The following BBOX1 variants were observed in gnomAD, a reference collection of about 807,000 sequenced individuals.
The protein encoded by BBOX1 is gamma-butyrobetaine hydroxylase 1, also known as gamma-butyrobetaine dioxygenase.
Under a neutral mutation model 41.6 loss-of-function variants are expected in BBOX1, and 35 were observed. That is an observed-to-expected ratio of 0.84 (90% CI 0.64 to 1.11). The LOEUF (loss-of-function observed/expected upper bound fraction) is 1.11. Ranked by LOEUF, BBOX1 falls within the 50% of genes most tolerant of loss-of-function variation. BBOX1 has a pLI of 0.00. For synonymous variants in BBOX1, 163 were observed against 154.7 expected (o/e 1.05, Z -0.40); for missense variants, 458 against 460.6 (o/e 0.99, Z 0.05).
chr11:27,075,502 G>T (rs1768694015), intron 4 of BBOX1, among the ~76,000 whole-genome samples: 1 of 152,112 alleles, frequency 6.6e-6, no homozygotes, highest in South Asian at 2.1e-4. Context: ...CTTGACAGAG[G>T]TGGCTGGGGG....
intron 3 of BBOX1, 113 bp from the exon 4 acceptor site, chr11:27,057,088 A>T (rs1308859807): frequency 2.4e-6 from 1 of 423,338 alleles, no homozygotes; most frequent in Non-Finnish European, 4.0e-6. Context: ...AAAAAAAATT[A>T]AGCAAAGCAT....
At chr11:27,055,358 T>A in intron 2 of BBOX1, 35 bp from the exon 3 acceptor site, 6 of 1,471,416 alleles carry the variant, frequency 4.1e-6, no homozygotes, top group Non-Finnish European at 5.6e-6. Flanking sequence ...AGATCTTATC[T>A]GCCTGAGATT....
intron 2 of BBOX1, among the ~76,000 whole-genome samples, chr11:27,045,241 G>C (rs944136671): frequency 1.3e-5 from 2 of 152,076 alleles, no homozygotes; most frequent in Admixed American, 6.6e-5. Context: ...TCTGTTATTG[G>C]TGTATAGGAA....
chr11:27,081,729 CTT>C (rs1008673379), intron 4 of BBOX1, among the ~76,000 whole-genome samples: 5 of 152,090 alleles, frequency 3.3e-5, no homozygotes, highest in Admixed American at 2.0e-4. Context: ...TGTTTCCTGA[CTT>C]TTTAATGATC....
At chr11:27,122,595 G>C (rs950950028) in intron 7 of BBOX1, among the ~76,000 whole-genome samples, 1 of 152,100 alleles carries the variant, frequency 6.6e-6, no homozygotes, top group Non-Finnish European at 1.5e-5. Context: ...AGATGCTTTC[G>C]AAGTCCGAAA....
intron 2 of BBOX1, 48 bp from the exon 3 acceptor site, chr11:27,055,344 GT>G (rs1323592311): frequency 7.2e-7 from 1 of 1,381,540 alleles, no homozygotes; most frequent in Non-Finnish European, 1.0e-6. Context: ...CAGAGGCCAA[GT>G]TTAGATCTTA....
chr11:27,098,449 G>A (rs1858526641), intron 5 of BBOX1, among the ~76,000 whole-genome samples: 1 of 152,036 alleles, frequency 6.6e-6, no homozygotes, highest in Non-Finnish European at 1.5e-5. Context: ...TTAACATAAA[G>A]TAAGGCAATT....
chr11:27,073,559 T>G (rs370954760), intron 4 of BBOX1, among the ~76,000 whole-genome samples: 1 of 149,396 alleles, frequency 6.7e-6, no homozygotes, highest in Non-Finnish European at 1.5e-5. Flanking sequence ...ATCCCATTAC[T>G]GGGTATATAC....
Position 27,043,514 on chromosome 11 carries a change from C to T in BBOX1, c.-39+2036C>T, listed in dbSNP as rs1015634881. Among the ~76,000 whole-genome samples, 61 of 150,158 alleles carry T rather than the reference C, an allele frequency of 4.1e-4. 1 individual carries two copies. Among genetic ancestry groups the T allele is most frequent in the Admixed American group, 1.5e-3 (22 of 15,092 alleles). On this transcript the variant is annotated intron_variant, in intron 2 of 8. Transcript: ENST00000263182. ...TGGTGGTTTGCTGCACCTATCAACG[C>T]GTCATCTACATTGAATACCCTTTAT...
intron 7 of BBOX1, among the ~76,000 whole-genome samples, chr11:27,121,975 A>C (rs941068916): frequency 7.2e-5 from 11 of 152,292 alleles, no homozygotes; most frequent in African/African-American, 2.4e-4. Context: ...TCTCAGGAAT[A>C]GCCCCTAGAG....
rs376408793 is a variant in BBOX1, at chr11:27,049,442, GTCTT to G, written c.-38-5947_-38-5944del. ...AATTTTTTATTGTTTTAGAGGTAGG[GTCTT>G]TCTATGTTGGCCACGTTGGCCTCAA... On this transcript the variant is annotated intron_variant, in intron 2 of 8. Coordinates refer to ENST00000263182, the MANE Select transcript of BBOX1 (RefSeq NM_003986.3). 3.8e-4 allele frequency among the ~76,000 whole-genome samples: 58 copies of G among 152,024 alleles called. 1 individual carries two copies. The highest frequency in any genetic ancestry group is 1.4e-3 in the African/African-American group (57 of 41,460).
At chr11:27,061,908 TAA>T (rs35556063) in intron 4 of BBOX1, among the ~76,000 whole-genome samples, 61,702 of 151,674 alleles carry the variant, frequency 0.41, 13,060 homozygotes, top group African/African-American at 0.54. Flanking sequence ...AAGATTTTTT[TAA>T]AAGACATAGA....
chr11:27,075,649 C>A (rs961548076), intron 4 of BBOX1, among the ~76,000 whole-genome samples: 1 of 152,180 alleles, frequency 6.6e-6, no homozygotes, highest in Non-Finnish European at 1.5e-5. Context: ...ACAGGCATCT[C>A]TTTTCATCTG....
At chr11:27,102,178 A>G (rs909759058) in intron 5 of BBOX1, among the ~76,000 whole-genome samples, 4 of 152,122 alleles carry the variant, frequency 2.6e-5, no homozygotes, top group African/African-American at 9.7e-5. Context: ...TAGAAAAAGC[A>G]AAGTACAGTG....
chr11:27,072,270 A>G (rs1857477950), intron 4 of BBOX1, among the ~76,000 whole-genome samples: 2 of 152,192 alleles, frequency 1.3e-5, no homozygotes, highest in Admixed American at 1.3e-4. Context: ...ATTCTTATAC[A>G]CTAATAACAG....
At chr11:27,118,389 A>G (rs1318997322) in intron 6 of BBOX1, among the ~76,000 whole-genome samples, 1 of 152,100 alleles carries the variant, frequency 6.6e-6, no homozygotes, top group Non-Finnish European at 1.5e-5. Flanking sequence ...GAGATTTTCT[A>G]TAACAAACAG....
chr11:27,067,122 C>A (rs542917879), intron 4 of BBOX1, among the ~76,000 whole-genome samples: 24 of 152,232 alleles, frequency 1.6e-4, no homozygotes, highest in East Asian at 5.8e-4. Flanking sequence ...CATATCAACT[C>A]ATTATTTTTT....
intron 4 of BBOX1, among the ~76,000 whole-genome samples, chr11:27,065,452 T>A (rs1023678974): frequency 3.3e-5 from 5 of 152,104 alleles, no homozygotes; most frequent in African/African-American, 1.2e-4. Context: ...ATCTAAAGAG[T>A]CTAACGTACC....
chr11:27,088,975 T>A (rs1405817250), intron 4 of BBOX1, among the ~76,000 whole-genome samples: 2 of 152,024 alleles, frequency 1.3e-5, no homozygotes, highest in Admixed American at 6.6e-5. Flanking sequence ...ACTCCTTTCA[T>A]AATATTATTA....
Sources: allele counts gnomAD v4.1 joint callset (sites outside exome capture counted in the v4.1 genomes callset), GRCh38; gene constraint gnomAD v4.1.1; transcripts MANE v1.5; gene names NCBI Gene and HGNC (gene_info 2026-07-23, HGNC 2026-07-21).